The following CDK5RAP2 variants were observed in gnomAD, a reference collection of about 807,000 sequenced individuals.
CDK5RAP2 encodes CDK5 regulatory subunit associated protein 2, also known as CDK5 regulatory subunit-associated protein 2.
Under a neutral mutation model 232.9 loss-of-function variants are expected in CDK5RAP2, and 147 were observed. The ratio of observed to expected loss-of-function variants is 0.63; its 90% CI spans 0.55 to 0.72. The LOEUF is 0.72. Among genes scored for constraint, CDK5RAP2 ranks in the 30% least tolerant of loss-of-function variants. CDK5RAP2 has a pLI of 0.00. For synonymous variants in CDK5RAP2, 833 were observed against 833.7 expected (o/e 1.00, Z 0.01); for missense variants, 2,195 against 2,231.5 (o/e 0.98, Z 0.33).
chr9:120,454,006 A>C, intron 20 of CDK5RAP2, 133 bp from the exon 21 acceptor site: 1 of 882,128 alleles, frequency 1.1e-6, no homozygotes, highest in East Asian at 2.5e-5. Flanking sequence ...GTGTACCCAC[A>C]ACGTGCCAGG....
chr9:120,529,901 C>G, intron 8 of CDK5RAP2, 77 bp downstream of exon 8: 3 of 1,376,458 alleles, frequency 2.2e-6, no homozygotes, highest in Admixed American at 3.3e-5. Context: ...ACCATGAGGA[C>G]CGAATGCGCA....
chr9:120,467,791 G>A (rs965188472), intron 18 of CDK5RAP2, 69 bp downstream of exon 18: 31 of 1,550,122 alleles, frequency 2.0e-5, no homozygotes, highest in African/African-American at 2.7e-5. Flanking sequence ...GATTACAGGC[G>A]TGAGCCACCA....
At chr9:120,411,670 C>T (rs560882820) in intron 28 of CDK5RAP2, among the ~76,000 whole-genome samples, 196 bp from the exon 29 acceptor site, 2 of 152,106 alleles carry the variant, frequency 1.3e-5, no homozygotes, top group Non-Finnish European at 2.9e-5. Flanking sequence ...AGGGCTCCCC[C>T]ACATCTTACC....
At chr9:120,528,132 G>A (rs1222643879) in intron 9 of CDK5RAP2, among the ~76,000 whole-genome samples, 1 of 152,236 alleles carries the variant, frequency 6.6e-6, no homozygotes, top group African/African-American at 2.4e-5. Flanking sequence ...GGGTGAAGGG[G>A]AAGGGGATCA....
chr9:120,485,251 C>T (rs1373466978), intron 14 of CDK5RAP2, among the ~76,000 whole-genome samples: 3 of 151,542 alleles, frequency 2.0e-5, no homozygotes, highest in African/African-American at 7.3e-5. Context: ...AATACCCAAC[C>T]TGTCCAATAA....
At chr9:120,453,197 C>T (rs895397125) in intron 21 of CDK5RAP2, among the ~76,000 whole-genome samples, 1 of 151,910 alleles carries the variant, frequency 6.6e-6, no homozygotes. Context: ...AAGGAAAACA[C>T]ATAAATGTCA....
intron 3 of CDK5RAP2, among the ~76,000 whole-genome samples, chr9:120,559,953 A>G (rs2042403559): frequency 6.6e-6 from 1 of 152,192 alleles, no homozygotes; most frequent in African/African-American, 2.4e-5. Flanking sequence ...AAAACCAACA[A>G]CATAAAAAGG....
intron 15 of CDK5RAP2, among the ~76,000 whole-genome samples, chr9:120,475,937 C>T (rs543972686): frequency 1.3e-5 from 2 of 152,222 alleles, no homozygotes; most frequent in Admixed American, 6.5e-5. Flanking sequence ...GACCTCCCCA[C>T]GCAGGGCAGA....
At chr9:120,578,338 CA>C (rs1209233138) in intron 1 of CDK5RAP2, among the ~76,000 whole-genome samples, 2 of 152,066 alleles carry the variant, frequency 1.3e-5, no homozygotes, top group Non-Finnish European at 1.5e-5. Context: ...AAGGACAATA[CA>C]AGAGAGAAGC....
intron 15 of CDK5RAP2, among the ~76,000 whole-genome samples, chr9:120,476,449 G>A (rs1396444564): frequency 6.6e-6 from 1 of 152,142 alleles, no homozygotes; most frequent in East Asian, 1.9e-4. Flanking sequence ...GGAGGCGGAG[G>A]TGGGTGGATC....
chr9:120,553,277 A>AT (rs1409247302), intron 3 of CDK5RAP2, among the ~76,000 whole-genome samples: 16 of 151,490 alleles, frequency 1.1e-4, no homozygotes, highest in East Asian at 7.8e-4. Context: ...AAAATTCCTG[A>AT]TTTTTTTTTG....
At position 120,484,625 on chromosome 9, in the gene CDK5RAP2, G is replaced by A. The variant is rs528025004; in HGVS notation, c.1626+2669C>T. On this transcript the variant is annotated intron_variant, in intron 14 of 37. Transcript: ENST00000349780. ...TAGAATCCTAGATACTTGGGAGGCT[G>A]GGGTGGGAGAATCACTTGAACCCAG... Among the ~76,000 whole-genome samples, 14 of 152,288 alleles carry A rather than the reference G, an allele frequency of 9.2e-5. No homozygotes were observed. The South Asian group carries it at 2.9e-3, about 32-fold the overall frequency.
intron 22 of CDK5RAP2, among the ~76,000 whole-genome samples, chr9:120,447,302 C>T (rs2036245989): frequency 6.6e-6 from 1 of 152,162 alleles, no homozygotes; most frequent in African/African-American, 2.4e-5. Context: ...GGTCCAAAAT[C>T]TCTAAGCACC....
intron 25 of CDK5RAP2, among the ~76,000 whole-genome samples, chr9:120,435,369 A>T (rs543100224): frequency 6.6e-6 from 1 of 152,304 alleles, no homozygotes; most frequent in Admixed American, 6.5e-5. Flanking sequence ...GGAAGTAAAA[A>T]TGTGGAAGCG....
At chr9:120,410,107 C>T (rs527505883) in intron 29 of CDK5RAP2, among the ~76,000 whole-genome samples, 1 of 152,180 alleles carries the variant, frequency 6.6e-6, no homozygotes, top group African/African-American at 2.4e-5. Flanking sequence ...TCTCCAGGGC[C>T]GACTTCCAAG....
intron 15 of CDK5RAP2, 96 bp from the exon 16 acceptor site, chr9:120,471,974 G>T: frequency 6.6e-7 from 1 of 1,519,760 alleles, no homozygotes; most frequent in Non-Finnish European, 9.1e-7. Context: ...TATGTCATTT[G>T]TGTTTTTTTC....
chr9:120,399,685 TGTGGGGCTGGACCCCAGTGA>T, intron 35 of CDK5RAP2, among the ~76,000 whole-genome samples: 1 of 152,314 alleles, frequency 6.6e-6, no homozygotes, highest in East Asian at 1.9e-4. Context: ...GAAAGACCAA[TGTGGGGCTGGACCCCAGTGA>T]GTCTCAGCCT....
rs774426144 is a variant in CDK5RAP2, at chr9:120,439,922, C to T, written c.3199G>A (p.Glu1067Lys). Reference protein sequence around the residue: ...DDLASLPSCKENPEDVLSPTS... With the variant: ...DDLASLPSCKKNPEDVLSPTS... ...GGGCTCAGAACATCTTCAGGATTTT[C>T]TTTGCATGATGGCAAGCTGGCAAGG... Residue 1067 changes from glutamate (E) to lysine (K), a missense_variant, in exon 24 of 38, where the codon GAA (glutamate) becomes AAA (lysine). Physicochemically the swap from Glu to Lys is moderately conservative, Grantham distance 56. Transcript: ENST00000349780. 3 of 1,614,178 alleles carry T rather than the reference C, an allele frequency of 1.9e-6. No individual in the cohort carries two copies. Among genetic ancestry groups the T allele is most frequent in the Non-Finnish European group, 2.5e-6 (3 of 1,180,020 alleles).
At position 120,533,620 on chromosome 9, in the gene CDK5RAP2, G is replaced by A. The variant is rs542968541; in HGVS notation, c.662+2752C>T. Among the ~76,000 whole-genome samples, 4 of 151,646 alleles carry A rather than the reference G, an allele frequency of 2.6e-5. No homozygotes were observed. The East Asian group carries it at 7.8e-4, about 30-fold the overall frequency. On this transcript the variant is annotated intron_variant, in intron 7 of 37. Transcript: ENST00000349780. ...ACCAGCCTGGCCAACATGGTGAAACGCTGTCTCCACTAAAAATACAAAAAT... is the reference window on the plus strand; with the variant it reads ...ACCAGCCTGGCCAACATGGTGAAACACTGTCTCCACTAAAAATACAAAAAT...
Sources: gnomAD v4.1 joint callset for allele counts (sites outside exome capture counted in the v4.1 genomes callset) on GRCh38, gnomAD v4.1.1 for gene constraint, MANE v1.5 for transcripts, NCBI Gene and HGNC (gene_info 2026-07-23, HGNC 2026-07-21) for gene names.